RGS16: variants seen among roughly 807,000 people sequenced by gnomAD.
The protein encoded by RGS16 is hRGS-r.
Under a neutral mutation model 18.1 loss-of-function variants are expected in RGS16, and 12 were observed. The ratio of observed to expected loss-of-function variants is 0.66; its 90% CI spans 0.42 to 1.07. The LOEUF (loss-of-function observed/expected upper bound fraction) is 1.07, where lower values mean the gene tolerates loss of function less well. RGS16 is among the 50% of genes least tolerant of loss of function. The pLI is 0.00. For synonymous variants in RGS16, 88 were observed against 102.0 expected, an observed-to-expected ratio of 0.86 and a Z score of 0.83; for missense variants, 238 against 249.2, an observed-to-expected ratio of 0.95 and a Z score of 0.30.
intron 1 of RGS16, 79 bp downstream of exon 1, chr1:182,604,137 C>T: frequency 6.7e-7 from 1 of 1,483,922 alleles, no homozygotes; most frequent in South Asian, 1.2e-5. Flanking sequence ...CCCGCGCCCA[C>T]CCAGGTCCCC....
chr1:182,602,119 G>A lies in RGS16; in HGVS notation c.234C>T (p.Ala78=), dbSNP rs1661876147. 4 of 1,614,156 alleles carry A rather than the reference G, an allele frequency of 2.5e-6. No individual in the cohort carries two copies. Among genetic ancestry groups the A allele is most frequent in the Non-Finnish European group, 3.4e-6 (4 of 1,180,030 alleles). The change falls in exon 4 of 5, where the codon GCC becomes GCT. Residue 78 remains alanine, a synonymous_variant. Coordinates refer to ENST00000367558, the MANE Select transcript of RGS16 (RefSeq NM_002928.4). ...ACTCTGTCTTCAGGAAAGCGTGGAA[G>A]GCAGCCACTCCATCTGGGGTTGCGG... is the stretch of plus-strand genomic sequence containing the variant. The part of the protein sequence containing the change: ...LLLSSKNGVA[A]FHAFLKTEFS...
rs762943997 is a variant in RGS16 at position 182,602,407 on chromosome 1, G to C, written c.220+13C>G. On this transcript the variant is annotated intron_variant, in intron 3 of 4. Transcript: ENST00000367558. ...GTGCCACCCAGAGACAGACACAAAA[G>C]GCTCCTACTCACTTTTACTGCTCAG... The C allele has an allele frequency of 1.2e-6, 2 of 1,612,244 alleles. No homozygotes were observed. Among genetic ancestry groups the C allele is most frequent in the Non-Finnish European group, 1.7e-6 (2 of 1,178,744 alleles).
intron 4 of RGS16, among the ~76,000 whole-genome samples, chr1:182,600,803 C>T (rs1661851757): frequency 6.6e-6 from 1 of 152,224 alleles, no homozygotes; most frequent in African/African-American, 2.4e-5. Flanking sequence ...ACTATCAGCT[C>T]TCCTGGGATT....
chr1:182,600,057 C>T lies in RGS16; in HGVS notation c.*235G>A. 3.5e-6 allele frequency: 2 copies of T among 567,090 alleles called. No homozygotes were observed. The highest frequency in any genetic ancestry group is 2.1e-5 in the South Asian group (1 of 47,456). The allele number at this position is 567,090 out of a possible 1,614,324, so 35.1% of individuals were successfully genotyped here. On this transcript the variant is annotated 3_prime_UTR_variant, in exon 5 of 5. Transcript: ENST00000367558. ...GCCCCACCAACCCTCATCATTAGCCCTTATTCACAGGTCCTGGAAGTGGGC... is the reference window on the plus strand; with the variant it reads ...GCCCCACCAACCCTCATCATTAGCCTTTATTCACAGGTCCTGGAAGTGGGC...
At chr1:182,602,637 T>C (rs1275664245) in intron 2 of RGS16, among the ~76,000 whole-genome samples, 153 bp from the exon 3 acceptor site, 4 of 152,202 alleles carry the variant, frequency 2.6e-5, no homozygotes, top group African/African-American at 9.6e-5. Context: ...AAACTCTTAG[T>C]TGGACTTAGG....
At chr1:182,601,933 G>A (rs745707192) in intron 4 of RGS16, 33 bp downstream of exon 4, 39 of 1,612,764 alleles carry the variant, frequency 2.4e-5, no homozygotes, top group Non-Finnish European at 2.9e-5. Context: ...AGGCAGGGTC[G>A]TGAGGATTCA....
chr1:182,600,559 G>A (rs773509237), intron 4 of RGS16, 46 bp from the exon 5 acceptor site: 5 of 1,565,696 alleles, frequency 3.2e-6, no homozygotes, highest in Middle Eastern at 1.7e-4. Flanking sequence ...GAAGAGGGTG[G>A]GCATGGCTGA....
chr1:182,603,404 T>C, intron 1 of RGS16, 65 bp from the exon 2 acceptor site: 2 of 1,384,848 alleles, frequency 1.4e-6, no homozygotes, highest in South Asian at 2.3e-5. Flanking sequence ...GAGAGGTTTA[T>C]GGGTCCCAGA....
At position 182,604,365 on chromosome 1, in the gene RGS16, C is replaced by A; in HGVS notation, c.-106G>T. On this transcript the variant is annotated 5_prime_UTR_variant, in exon 1 of 5. Coordinates refer to ENST00000367558, the MANE Select transcript of RGS16 (RefSeq NM_002928.4). ...CGCGGTAGCAGGTGCTAGTCAACTG[C>A]GGTTGGGTTTAGCAGCCTGCAAGCG... 1 of 1,208,388 alleles carries A rather than the reference C, an allele frequency of 8.3e-7. No homozygotes were observed. Among genetic ancestry groups the A allele is most frequent in the Non-Finnish European group, 1.1e-6 (1 of 878,624 alleles). The allele number at this position is 1,208,388 out of a possible 1,614,324, so 74.9% of individuals were successfully genotyped here.
intron 1 of RGS16, 61 bp downstream of exon 1, chr1:182,604,155 C>G (rs1050750459): frequency 6.5e-7 from 1 of 1,537,138 alleles, no homozygotes; most frequent in African/African-American, 1.4e-5. Context: ...CCCAGGCCTG[C>G]CGCTCCACTC....
rs779094308 is a variant in RGS16 at position 182,603,221 on chromosome 1, A to G, written c.155+8T>C. Reference sequence around the variant, plus strand: ...TCTCGGAGCCCTGAGCTGGTCAGCAACACTTACTTCTCTTTGCTGTGTTTA... The same window carrying G: ...TCTCGGAGCCCTGAGCTGGTCAGCAGCACTTACTTCTCTTTGCTGTGTTTA... On this transcript the variant is annotated splice_region_variant and intron_variant, in intron 2 of 4. Coordinates refer to ENST00000367558, the MANE Select transcript of RGS16 (RefSeq NM_002928.4). The G allele has an allele frequency of 1.2e-6, 2 of 1,600,678 alleles. No individual in the cohort carries two copies. The highest frequency in any genetic ancestry group is 2.2e-5 in the South Asian group (2 of 90,824).
At chr1:182,602,297 C>CATT (rs1234686914) in intron 3 of RGS16, 123 bp downstream of exon 3, 8 of 1,071,044 alleles carry the variant, frequency 7.5e-6, no homozygotes, top group East Asian at 4.8e-5. Flanking sequence ...ACTAGGGGAT[C>CATT]ATTATTATTA....
Position 182,600,184 on chromosome 1 carries a change from T to TTTTTC in RGS16, c.*107_*108insGAAAA. On this transcript the variant is annotated 3_prime_UTR_variant, in exon 5 of 5. Coordinates refer to ENST00000367558, the MANE Select transcript of RGS16 (RefSeq NM_002928.4). Reference sequence around the variant, plus strand: ...TTTTTTTTTTTTTTTTTTTTTTTTGTCCTCTTGCACTTGCTTTGCAGAACC... The same window carrying TTTTTC: ...TTTTTTTTTTTTTTTTTTTTTTTTGTTTTTCCCTCTTGCACTTGCTTTGCAGAACC... The TTTTTC allele has an allele frequency of 4.8e-6, 2 of 417,604 alleles. No individual in the cohort carries two copies. The highest frequency in any genetic ancestry group is 7.1e-4 in the Middle Eastern group (1 of 1,406). The allele number at this position is 417,604 out of a possible 1,614,324, so 25.9% of individuals were successfully genotyped here. A position where few individuals can be genotyped will look rare whatever the true frequency, so the allele number is the denominator to read the frequency against.
At position 182,602,043 on chromosome 1, in the gene RGS16, T is replaced by C; in HGVS notation, c.310A>G (p.Ile104Val). The C allele has an allele frequency of 6.2e-7, 1 of 1,614,098 alleles. No homozygotes were observed. The highest frequency in any genetic ancestry group is 8.5e-7 in the Non-Finnish European group (1 of 1,180,018). The change falls in exon 4 of 5, where the codon ATC (isoleucine) becomes GTC (valine). Residue 104 changes from isoleucine to valine, a missense_variant. Physicochemically the swap from Ile to Val is conservative, Grantham distance 29. Transcript: ENST00000367558. Reference protein sequence around the residue: ...FWLACEEFKKIRSATKLASRA... With the variant: ...FWLACEEFKKVRSATKLASRA... ...GAGGCCAGCTTGGTAGCTGATCGGA[T>C]CTTCTTGAACTCCTCACAGGCCAGC... is the stretch of plus-strand genomic sequence containing the variant.
chr1:182,602,050 G>A lies in RGS16; in HGVS notation c.303C>T (p.Phe101=). 1 of 1,614,108 alleles carries A rather than the reference G, an allele frequency of 6.2e-7. No homozygotes were observed. The highest frequency in any genetic ancestry group is 1.1e-5 in the South Asian group (1 of 91,074). Residue 101 remains phenylalanine (F), a synonymous_variant, in exon 4 of 5, where the codon TTC becomes TTT. Coordinates refer to ENST00000367558, the MANE Select transcript of RGS16 (RefSeq NM_002928.4). ...NLEFWLACEE[F]KKIRSATKLA... is the part of the protein sequence containing the mutation. ...GCTTGGTAGCTGATCGGATCTTCTT[G>A]AACTCCTCACAGGCCAGCCAGAACT...
chr1:182,602,617 C>T (rs1661885348), intron 2 of RGS16, 133 bp from the exon 3 acceptor site: 1 of 744,982 alleles, frequency 1.3e-6, no homozygotes, highest in Non-Finnish European at 2.2e-6. Context: ...ATTGCTGAAG[C>T]TGACACCTCA....
rs1250547079 is a variant in RGS16, at chr1:182,604,156, C to G, written c.44+60G>C. On this transcript the variant is annotated intron_variant, in intron 1 of 4. Coordinates refer to ENST00000367558, the MANE Select transcript of RGS16 (RefSeq NM_002928.4). ...CGCCCACCCAGGTCCCCAGGCCTGC[C>G]GCTCCACTCCCTAAGAGTTGGTGGG... is the stretch of plus-strand genomic sequence containing the variant. The G allele has an allele frequency of 1.9e-6, 3 of 1,538,470 alleles. No individual in the cohort carries two copies. In the African/African-American group the frequency reaches 4.1e-5, roughly 21 times the overall value.
In RGS16 at chr1:182,600,484, C is replaced by T; in HGVS notation, c.417G>A (p.Leu139=). Residue 139 remains leucine, a synonymous_variant, in exon 5 of 5, where the codon CTG becomes CTA. Coordinates refer to ENST00000367558, the MANE Select transcript of RGS16 (RefSeq NM_002928.4). ...EVNIDHETHE[L]TRMNLQTATA... is the part of the protein sequence containing the mutation. ...TGGCAGTCTGCAGGTTCATCCTCGT[C>T]AGCTCGTGGGTCTCATGGTCAATGT... 1 of 1,614,016 alleles carries T rather than the reference C, an allele frequency of 6.2e-7. No individual in the cohort carries two copies. Among genetic ancestry groups the T allele is most frequent in the Non-Finnish European group, 8.5e-7 (1 of 1,179,966 alleles).
intron 1 of RGS16, 150 bp downstream of exon 1, chr1:182,604,066 A>G (rs1220331673): frequency 1.4e-5 from 10 of 719,150 alleles, no homozygotes; most frequent in Non-Finnish European, 2.3e-5. Flanking sequence ...TGCTCCTGGA[A>G]TCTGAGCACG....
Sources: gnomAD v4.1 joint callset for allele counts (sites outside exome capture counted in the v4.1 genomes callset) on GRCh38, gnomAD v4.1.1 for gene constraint, MANE v1.5 for transcripts, NCBI Gene and HGNC (gene_info 2026-07-23, HGNC 2026-07-21) for gene names.